Variants in SLC39A11 observed in about 807,000 individuals in gnomAD.
SLC39A11 encodes solute carrier family 39 member 11, also known as zinc transporter ZIP11.
SLC39A11 carries 33 observed loss-of-function variants against 36.1 expected under a neutral mutation model. The observed-to-expected ratio is 0.91, with a 90% CI of 0.69 to 1.22. The LOEUF is 1.22. SLC39A11 is among the 50% of genes most tolerant of loss of function. The pLI is 0.00. For synonymous variants in SLC39A11, 166 were observed against 170.3 expected, an observed-to-expected ratio of 0.97 and a Z score of 0.20; for missense variants, 432 against 430.3, an observed-to-expected ratio of 1.00 and a Z score of -0.03.
chr17:72,895,067 A>G (rs1047016398), intron 5 of SLC39A11, among the ~76,000 whole-genome samples: 1 of 152,176 alleles, frequency 6.6e-6, no homozygotes, highest in Admixed American at 6.5e-5. Context: ...TTCTTTGGTT[A>G]CTTCAAGGTA....
intron 5 of SLC39A11, among the ~76,000 whole-genome samples, chr17:72,902,861 TTA>T (rs2082462610): frequency 6.6e-6 from 1 of 152,186 alleles, no homozygotes; most frequent in African/African-American, 2.4e-5. Context: ...TACAGAACTA[TTA>T]TAGAGTGGAT....
chr17:72,936,153 A>C (rs2084740500), intron 5 of SLC39A11, among the ~76,000 whole-genome samples: 1 of 152,088 alleles, frequency 6.6e-6, no homozygotes, highest in Non-Finnish European at 1.5e-5. Flanking sequence ...AGCCGAGATC[A>C]CGTCACTGCA....
intron 7 of SLC39A11, among the ~76,000 whole-genome samples, chr17:72,705,350 G>T (rs2072845339): frequency 6.6e-6 from 1 of 152,158 alleles, no homozygotes; most frequent in African/African-American, 2.4e-5. Flanking sequence ...TGAGGAATGT[G>T]GTTGAATTTA....
chr17:72,846,891 T>C (rs1181847950), intron 6 of SLC39A11, among the ~76,000 whole-genome samples: 4 of 152,286 alleles, frequency 2.6e-5, no homozygotes, highest in Admixed American at 2.0e-4. Flanking sequence ...TAACCTCTCT[T>C]CTCTAACTAT....
At chr17:72,877,850 G>C (rs1167051945) in intron 5 of SLC39A11, among the ~76,000 whole-genome samples, 1 of 150,304 alleles carries the variant, frequency 6.7e-6, no homozygotes, top group Non-Finnish European at 1.5e-5. Flanking sequence ...TTAAGTTTTA[G>C]GGTACATGTG....
At chr17:72,850,964 G>A (rs756015239) in intron 5 of SLC39A11, among the ~76,000 whole-genome samples, 3 of 152,048 alleles carry the variant, frequency 2.0e-5, no homozygotes, top group Admixed American at 6.6e-5. Flanking sequence ...CCACTCCAAC[G>A]TGCAAGCTAA....
At chr17:72,661,101 C>T (rs536122419) in intron 7 of SLC39A11, among the ~76,000 whole-genome samples, 38 of 152,158 alleles carry the variant, frequency 2.5e-4, no homozygotes, top group Non-Finnish European at 4.8e-4. Flanking sequence ...AGCTATGGCA[C>T]GACAGATTTG....
intron 3 of SLC39A11, among the ~76,000 whole-genome samples, chr17:73,057,266 G>A (rs949693892): frequency 6.6e-6 from 1 of 152,144 alleles, no homozygotes; most frequent in Non-Finnish European, 1.5e-5. Flanking sequence ...CACCTGGCCA[G>A]GATGCACTTT....
intron 3 of SLC39A11, among the ~76,000 whole-genome samples, chr17:73,083,354 G>C (rs1305545451): frequency 6.6e-6 from 1 of 152,102 alleles, no homozygotes; most frequent in Non-Finnish European, 1.5e-5. Flanking sequence ...GTTTTTGACG[G>C]AACAGTGGCT....
chr17:73,043,747 A>G (rs1407581355), intron 3 of SLC39A11, among the ~76,000 whole-genome samples: 4 of 152,058 alleles, frequency 2.6e-5, no homozygotes, highest in African/African-American at 9.7e-5. Flanking sequence ...TCTGCAGGTA[A>G]CCCTCCAGAA....
intron 7 of SLC39A11, among the ~76,000 whole-genome samples, chr17:72,723,680 G>A (rs1189369009): frequency 1.3e-5 from 2 of 152,200 alleles, no homozygotes; most frequent in African/African-American, 4.8e-5. Flanking sequence ...GTCCTGGGGA[G>A]TGAAGAAAGT....
chr17:72,814,384 C>T (rs558506342), intron 6 of SLC39A11, among the ~76,000 whole-genome samples: 12 of 152,204 alleles, frequency 7.9e-5, no homozygotes, highest in Non-Finnish European at 1.6e-4. Context: ...ATACCAAGAA[C>T]GGCCTTGGAG....
At chr17:72,982,271 A>C (rs969770316) in intron 4 of SLC39A11, among the ~76,000 whole-genome samples, 1 of 152,194 alleles carries the variant, frequency 6.6e-6, no homozygotes, top group African/African-American at 2.4e-5. Context: ...ATTTCTGTAA[A>C]AGGGAAAATT....
chr17:72,698,877 C>T (rs2072451568), intron 7 of SLC39A11, among the ~76,000 whole-genome samples: 3 of 152,120 alleles, frequency 2.0e-5, no homozygotes, highest in African/African-American at 4.8e-5. Flanking sequence ...GTCGCCCAGG[C>T]TGGAGTGCAG....
chr17:72,781,195 C>A (rs988658359), intron 6 of SLC39A11, among the ~76,000 whole-genome samples: 4 of 152,090 alleles, frequency 2.6e-5, no homozygotes, highest in Non-Finnish European at 5.9e-5. Context: ...CTGGGAAACT[C>A]AACAGGTGTC....
At chr17:73,014,314 C>G (rs2090692566) in intron 4 of SLC39A11, among the ~76,000 whole-genome samples, 1 of 152,122 alleles carries the variant, frequency 6.6e-6, no homozygotes, top group Non-Finnish European at 1.5e-5. Context: ...TATCCCGGTG[C>G]AATTAACCCA....
intron 3 of SLC39A11, among the ~76,000 whole-genome samples, chr17:73,046,324 T>C (rs2059289441): frequency 6.6e-6 from 1 of 152,134 alleles, no homozygotes; most frequent in Non-Finnish European, 1.5e-5. Flanking sequence ...GAAAGTGTAT[T>C]CTGTCCTAAT....
chr17:72,981,825 CA>C (rs2088340324), intron 4 of SLC39A11, among the ~76,000 whole-genome samples: 1 of 145,234 alleles, frequency 6.9e-6, no homozygotes, highest in African/African-American at 2.5e-5. Context: ...CAAGGAGCTC[CA>C]AAATAATGAG....
intron 5 of SLC39A11, among the ~76,000 whole-genome samples, chr17:72,885,768 C>T (rs187464351): frequency 1.4e-3 from 207 of 152,296 alleles, no homozygotes; most frequent in Middle Eastern, 3.4e-3. Context: ...CAAGCAGTGG[C>T]CCTCGCTAGA....
Sources: gnomAD v4.1 joint callset for allele counts (sites outside exome capture counted in the v4.1 genomes callset) on GRCh38, gnomAD v4.1.1 for gene constraint, MANE v1.5 for transcripts, NCBI Gene and HGNC (gene_info 2026-07-23, HGNC 2026-07-21) for gene names.